Variants in NGEF observed in about 807,000 individuals in gnomAD.
NGEF encodes ephexin-1.
NGEF carries 31 observed loss-of-function variants against 80.9 expected under a neutral mutation model. That is an observed-to-expected ratio of 0.38 (90% CI 0.29 to 0.52). The LOEUF (loss-of-function observed/expected upper bound fraction) is 0.52. NGEF is among the 20% of genes least tolerant of loss of function. The pLI, the probability that NGEF is intolerant of heterozygous loss-of-function variation, is 0.84. For missense variants in NGEF, 709 were observed against 926.2 expected (o/e 0.77, Z 3.04); for synonymous variants, 371 against 370.2 (o/e 1.00, Z -0.03).
intron 1 of NGEF, among the ~76,000 whole-genome samples, chr2:233,008,834 C>T (rs1380043266): frequency 1.3e-5 from 2 of 149,798 alleles, no homozygotes; most frequent in Admixed American, 6.7e-5. Context: ...CGGAGTCTTG[C>T]TCTGTGGCCC....
At chr2:232,901,737 C>T (rs1692362817) in intron 5 of NGEF, among the ~76,000 whole-genome samples, 2 of 152,240 alleles carry the variant, frequency 1.3e-5, no homozygotes, top group Non-Finnish European at 2.9e-5. Flanking sequence ...TGGCCTGGAG[C>T]CCAACTTAGT....
chr2:232,974,631 C>T lies in NGEF; in HGVS notation c.260G>A (p.Cys87Tyr). The stretch of plus-strand genomic sequence containing the variant: ...CTGTCCCTGATACTGACCTGCCAGG[C>T]AGCTGGCGTTCCGTTCGGGGTTGTC... ...ARDNPERNAS[C>Y]LADSQDNGKS... Residue 87 changes from cysteine (C) to tyrosine (Y), a missense_variant, in exon 2 of 15, where the codon TGC becomes TAC. Around this residue, in one of 2 missense-constraint regions of NGEF, gnomAD observed 283 missense variants for 303.4 expected, o/e 0.93. Coordinates refer to ENST00000264051, the MANE Select transcript of NGEF (RefSeq NM_019850.3). 1.9e-6 allele frequency: 3 copies of T among 1,613,864 alleles called. No homozygotes were observed. Among genetic ancestry groups the T allele is most frequent in the African/African-American group, 1.3e-5 (1 of 75,032 alleles).
chr2:232,974,663 C>A lies in NGEF; in HGVS notation c.228G>T (p.Lys76Asn). 1 of 1,614,242 alleles carries A rather than the reference C, an allele frequency of 6.2e-7. No homozygotes were observed. The highest frequency in any genetic ancestry group is 1.3e-5 in the African/African-American group (1 of 75,058). The change falls in exon 2 of 15, where the codon AAG becomes AAT. Residue 76 changes from lysine (K) to asparagine (N), a missense_variant. By Grantham distance (94) the Lys-to-Asn change is moderately conservative. Around this residue, in one of 2 missense-constraint regions of NGEF, gnomAD observed 283 missense variants for 303.4 expected, o/e 0.93. Transcript: ENST00000264051. ...CGTTCCGTTCGGGGTTGTCTCTGGC[C>A]TTGGCTTTGCTTTTGCGTCTTATGG... ...NRSIRRKSKA[K>N]ARDNPERNAS...
At position 232,944,726 on chromosome 2, in the gene NGEF, AATATAT is replaced by A. The variant is rs57851903; in HGVS notation, c.384-17546_384-17541del. On this transcript the variant is annotated intron_variant, in intron 3 of 14. Transcript: ENST00000264051. ...TGGGCTAGGGGATAAGACTTTTCCG[AATATAT>A]ATATATATATATATATATATATATA... Among the ~76,000 whole-genome samples the A allele has an allele frequency of 9.5e-3, 1,029 of 108,700 alleles. 33 individuals are homozygous for A. Among genetic ancestry groups the A allele is most frequent in the East Asian group, 0.072 (253 of 3,532 alleles). 71.3% of individuals were successfully genotyped at this position (108,700 alleles called of 152,430 possible).
intron 3 of NGEF, among the ~76,000 whole-genome samples, chr2:232,957,497 A>G (rs1693854240): frequency 6.6e-6 from 1 of 152,040 alleles, no homozygotes; most frequent in Non-Finnish European, 1.5e-5. Context: ...TAATTTTTGT[A>G]TTTTTAGTAG....
intron 2 of NGEF, 125 bp from the exon 3 acceptor site, chr2:232,970,453 G>A: frequency 3.2e-6 from 2 of 617,484 alleles, no homozygotes; most frequent in Admixed American, 3.7e-5. Flanking sequence ...GTGGGAAGGG[G>A]TGTCCCTCCC....
chr2:232,908,503 ATTT>A (rs869299455), intron 5 of NGEF, among the ~76,000 whole-genome samples: 1 of 47,310 alleles, frequency 2.1e-5, no homozygotes, highest in Non-Finnish European at 4.2e-5. Context: ...TACGTTTATG[ATTT>A]TAGTGAGTTT....
At chr2:232,888,569 ACGCATG>A (rs1691780863) in intron 8 of NGEF, among the ~76,000 whole-genome samples, 3 of 152,098 alleles carry the variant, frequency 2.0e-5, no homozygotes, top group Non-Finnish European at 2.9e-5. Flanking sequence ...GCACACACAC[ACGCATG>A]CACGCACACA....
intron 1 of NGEF, among the ~76,000 whole-genome samples, chr2:232,990,812 T>TAGAGA (rs1336027786): frequency 1.3e-5 from 2 of 152,024 alleles, no homozygotes; most frequent in African/African-American, 4.8e-5. Context: ...CTCTTATTAA[T>TAGAGA]AGAGAAGAAA....
Position 232,892,669 on chromosome 2 carries a change from G to C in NGEF, c.1142+229C>G, listed in dbSNP as rs1462574179. 6.6e-6 allele frequency among the ~76,000 whole-genome samples: 1 copy of C among 152,156 alleles called. No individual in the cohort carries two copies. The highest frequency in any genetic ancestry group is 1.5e-5 in the Non-Finnish European group (1 of 68,030). ...AGTGGATGCTACGCTGATTCTCTTG[G>C]GGTCTGGCTGGGCTAATGTTTCTCT... On this transcript the variant is annotated intron_variant, in intron 7 of 14. Coordinates refer to ENST00000264051, the MANE Select transcript of NGEF (RefSeq NM_019850.3). The surrounding 1 kb of genome is among the most constrained non-coding windows in gnomAD (Gnocchi z 4.0).
At chr2:232,918,807 T>C (rs1032226542) in intron 5 of NGEF, among the ~76,000 whole-genome samples, 12 of 151,984 alleles carry the variant, frequency 7.9e-5, no homozygotes, top group African/African-American at 2.9e-4. Flanking sequence ...TTTTGTATTT[T>C]TAGTAGAGAC....
rs1691404935 is a variant in NGEF at position 232,879,294 on chromosome 2, C to T, written c.*195G>A. The T allele has an allele frequency of 3.5e-6, 2 of 578,642 alleles. No homozygotes were observed. Among genetic ancestry groups the T allele is most frequent in the South Asian group, 4.7e-5 (2 of 42,288 alleles). The allele number at this position is 578,642 out of a possible 1,614,324, so 35.8% of individuals were successfully genotyped here. On this transcript the variant is annotated 3_prime_UTR_variant, in exon 15 of 15. Coordinates refer to ENST00000264051, the MANE Select transcript of NGEF (RefSeq NM_019850.3). ...AAATGCATCAGGAGAGGCTTGGGCA[C>T]CCTTTATCCAGTTTGCGAGCAAGGG...
At chr2:232,981,672 T>TC (rs1256393646) in intron 1 of NGEF, among the ~76,000 whole-genome samples, 1 of 152,020 alleles carries the variant, frequency 6.6e-6, no homozygotes, top group East Asian at 1.9e-4. Context: ...CAATCAGTAC[T>TC]CCCCACTTCC....
intron 3 of NGEF, among the ~76,000 whole-genome samples, chr2:232,947,038 T>C (rs1693574964): frequency 6.6e-6 from 1 of 152,184 alleles, no homozygotes; most frequent in Admixed American, 6.5e-5. Context: ...CAGGAAAGAT[T>C]GATAATGGAT....
At chr2:232,992,568 A>G (rs889472569) in intron 1 of NGEF, among the ~76,000 whole-genome samples, 8 of 152,196 alleles carry the variant, frequency 5.3e-5, no homozygotes, top group African/African-American at 1.9e-4. Context: ...AAATTTAAAA[A>G]AAAGAAGAAG....
chr2:232,984,725 TG>T (rs1283622634), intron 1 of NGEF, among the ~76,000 whole-genome samples: 1 of 152,190 alleles, frequency 6.6e-6, no homozygotes, highest in South Asian at 2.1e-4. Flanking sequence ...CCTGCAGGCT[TG>T]GCAGGCATTA....
At chr2:232,948,823 G>A (rs747482427) in intron 3 of NGEF, among the ~76,000 whole-genome samples, 4 of 152,010 alleles carry the variant, frequency 2.6e-5, no homozygotes, top group South Asian at 2.1e-4. Context: ...TTTGAGACTC[G>A]CCTGGCCAAC....
At chr2:232,890,888 C>A (rs1174429408) in intron 8 of NGEF, 1 of 471,156 alleles carries the variant, frequency 2.1e-6, no homozygotes, top group East Asian at 6.9e-5. Flanking sequence ...CCACTCCCGT[C>A]CCCGTCATGT....
Position 232,879,203 on chromosome 2 carries a change from A to C in NGEF, c.*286T>G. ...GCATGGGGGGCCCTGGAGTGTGCCC[A>C]CCCCCTTCCACCCCCTCGGAGGCAT... On this transcript the variant is annotated 3_prime_UTR_variant, in exon 15 of 15. Coordinates refer to ENST00000264051, the MANE Select transcript of NGEF (RefSeq NM_019850.3). The C allele has an allele frequency of 3.0e-6, 1 of 328,290 alleles. No homozygotes were observed. Among genetic ancestry groups the C allele is most frequent in the Non-Finnish European group, 5.6e-6 (1 of 177,032 alleles). The allele number at this position is 328,290 out of a possible 1,614,324, so 20.3% of individuals were successfully genotyped here.
Sources: allele counts gnomAD v4.1 joint callset (sites outside exome capture counted in the v4.1 genomes callset), GRCh38; gene constraint gnomAD v4.1.1; regional missense constraint gnomAD v4.1.1; non-coding constraint Gnocchi (gnomAD v3.1); transcripts MANE v1.5; gene names NCBI Gene and HGNC (gene_info 2026-07-23, HGNC 2026-07-21).